Variants in COL21A1 observed in about 807,000 individuals in gnomAD.
The protein encoded by COL21A1 is collagen alpha-1(XXI) chain.
A neutral mutation model predicts 137.9 loss-of-function variants in COL21A1; 149 were observed. The ratio of observed to expected loss-of-function variants is 1.08; its 90% CI spans 0.95 to 1.24. The LOEUF (loss-of-function observed/expected upper bound fraction) is 1.24. Ranked by LOEUF, COL21A1 falls within the 50% of genes most tolerant of loss-of-function variation. The pLI is 0.00. For missense variants in COL21A1, 1,167 were observed against 1,158.4 expected, an observed-to-expected ratio of 1.01 and a Z score of -0.11; for synonymous variants, 456 against 391.5, an observed-to-expected ratio of 1.16 and a Z score of -1.95.
intron 1 of COL21A1, among the ~76,000 whole-genome samples, chr6:56,190,118 C>T (rs1428903355): frequency 6.6e-6 from 1 of 151,954 alleles, no homozygotes; most frequent in Admixed American, 6.6e-5. Flanking sequence ...GAAATAGAGA[C>T]ACAAAAAACC....
chr6:56,340,989 T>C (rs1019321175), intron 1 of COL21A1, among the ~76,000 whole-genome samples: 2 of 152,170 alleles, frequency 1.3e-5, no homozygotes, highest in African/African-American at 4.8e-5. Context: ...CTCTAGGCAC[T>C]TTCATGGGTG....
At chr6:56,168,346 T>A (rs751162312) in intron 5 of COL21A1, 49 bp from the exon 6 acceptor site, 6 of 1,390,624 alleles carry the variant, frequency 4.3e-6, no homozygotes, top group Non-Finnish European at 5.7e-6. Context: ...CCTAACAATA[T>A]TTTATTTTCT....
chr6:56,059,067 ACAGATGTCT>A, intron 29 of COL21A1, 89 bp downstream of exon 29: 6 of 896,160 alleles, frequency 6.7e-6, no homozygotes, highest in Non-Finnish European at 1.1e-5. Context: ...AAAAAAGAAA[ACAGATGTCT>A]CAGTTTCAAT....
intron 17 of COL21A1, among the ~76,000 whole-genome samples, chr6:56,083,407 C>A (rs4388288): frequency 0.15 from 23,039 of 151,840 alleles, 1,769 homozygotes; most frequent in Middle Eastern, 0.22. Flanking sequence ...CTTTTTGCCC[C>A]ATTCCTGCTC....
chr6:56,380,234 A>G (rs1198470402), intron 1 of COL21A1, among the ~76,000 whole-genome samples: 1 of 152,188 alleles, frequency 6.6e-6, no homozygotes, highest in Non-Finnish European at 1.5e-5. Context: ...CCACATGACT[A>G]TAAGCTTCCT....
intron 1 of COL21A1, among the ~76,000 whole-genome samples, chr6:56,369,333 A>C (rs1766171786): frequency 6.6e-6 from 1 of 151,828 alleles, no homozygotes; most frequent in African/African-American, 2.4e-5. Context: ...CAAAATGAAT[A>C]CTAGATAAAC....
chr6:56,058,776 A>G (rs1011747071), intron 29 of COL21A1, among the ~76,000 whole-genome samples: 7 of 152,142 alleles, frequency 4.6e-5, no homozygotes, highest in Non-Finnish European at 8.8e-5. Context: ...CATTTTACCA[A>G]TGAGGAAACT....
Position 56,180,793 on chromosome 6 carries a change from C to T in COL21A1, c.89-664G>A, listed in dbSNP as rs537711583. 4.6e-5 allele frequency among the ~76,000 whole-genome samples: 7 copies of T among 152,270 alleles called. No homozygotes were observed. The South Asian group carries it at 1.5e-3, about 32-fold the overall frequency. ...AGGCTATAAATAATAACTATTATTG[C>T]TGCTTTAAGAACAGAAGTTAGAGAA... On this transcript the variant is annotated intron_variant, in intron 2 of 29. Transcript: ENST00000244728.
chr6:56,379,662 A>T (rs776962956), intron 1 of COL21A1, among the ~76,000 whole-genome samples: 4 of 152,198 alleles, frequency 2.6e-5, no homozygotes, highest in Non-Finnish European at 5.9e-5. Flanking sequence ...TAGGGAAAAG[A>T]GTACTCTGGT....
At chr6:56,210,045 G>C (rs1358952936) in intron 1 of COL21A1, among the ~76,000 whole-genome samples, 1 of 152,040 alleles carries the variant, frequency 6.6e-6, no homozygotes, top group Non-Finnish European at 1.5e-5. Flanking sequence ...CTCATAAGTA[G>C]GAGTTGAACA....
intron 16 of COL21A1, among the ~76,000 whole-genome samples, chr6:56,115,415 A>G (rs1181484199): frequency 1.3e-5 from 2 of 152,206 alleles, no homozygotes; most frequent in South Asian, 4.1e-4. Context: ...TTTGTTCAAG[A>G]CAATCAAGTT....
chr6:56,099,719 T>C (rs1770275112), intron 17 of COL21A1, among the ~76,000 whole-genome samples: 1 of 151,858 alleles, frequency 6.6e-6, no homozygotes, highest in African/African-American at 2.4e-5. Flanking sequence ...TCTGAAACAA[T>C]AACATAAACA....
intron 1 of COL21A1, chr6:56,276,751 A>C (rs1245547826): frequency 7.9e-7 from 1 of 1,270,314 alleles, no homozygotes; most frequent in Admixed American, 1.7e-5. Context: ...TCAAGTATCC[A>C]AATCATCTCT....
intron 27 of COL21A1, 72 bp from the exon 28 acceptor site, chr6:56,060,290 T>G: frequency 7.6e-7 from 1 of 1,316,892 alleles, no homozygotes. Flanking sequence ...TTTTAATTTT[T>G]TTCAGTTTAC....
rs951314767 is a variant in COL21A1, at chr6:56,185,937, A to C, written c.-38-3281T>G. 2.0e-5 allele frequency among the ~76,000 whole-genome samples: 3 copies of C among 152,248 alleles called. No homozygotes were observed. In the South Asian group the frequency reaches 6.2e-4, roughly 32 times the overall value. ...ATTTGTTTTGGTGGAATTAAATGAAAATAAAGGAGAAGTGAACTCCCCCCA... is the reference window on the plus strand; with the variant it reads ...ATTTGTTTTGGTGGAATTAAATGAACATAAAGGAGAAGTGAACTCCCCCCA... On this transcript the variant is annotated intron_variant, in intron 1 of 29. Coordinates refer to ENST00000244728, the MANE Select transcript of COL21A1 (RefSeq NM_030820.4).
At chr6:56,202,889 A>G (rs1463204915) in intron 1 of COL21A1, among the ~76,000 whole-genome samples, 1 of 152,216 alleles carries the variant, frequency 6.6e-6, no homozygotes, top group Non-Finnish European at 1.5e-5. Context: ...AAGCCAAGAA[A>G]TGGTGTACAG....
intron 1 of COL21A1, among the ~76,000 whole-genome samples, chr6:56,193,900 G>T (rs372090141): frequency 6.6e-6 from 1 of 151,974 alleles, no homozygotes; most frequent in African/African-American, 2.4e-5. Context: ...GACTACAGGC[G>T]TGCGACACCA....
chr6:56,203,428 CAGTA>C (rs1202725607), intron 1 of COL21A1, among the ~76,000 whole-genome samples: 1 of 152,164 alleles, frequency 6.6e-6, no homozygotes, highest in Admixed American at 6.5e-5. Context: ...ATAAAATCAT[CAGTA>C]AGTAACTCTA....
chr6:56,165,822 C>T (rs762988061), intron 7 of COL21A1, among the ~76,000 whole-genome samples: 32 of 151,864 alleles, frequency 2.1e-4, no homozygotes, highest in Non-Finnish European at 2.4e-4. Flanking sequence ...TGGGAATTTA[C>T]ATTGTCAAAA....
Sources: allele counts gnomAD v4.1 joint callset (sites outside exome capture counted in the v4.1 genomes callset), GRCh38; gene constraint gnomAD v4.1.1; transcripts MANE v1.5; gene names NCBI Gene and HGNC (gene_info 2026-07-23, HGNC 2026-07-21).